CSMD1: variants seen among roughly 807,000 people sequenced by gnomAD.
CSMD1 encodes CUB and Sushi multiple domains 1.
Under a neutral mutation model 417.5 loss-of-function variants are expected in CSMD1, and 213 were observed. That is an observed-to-expected ratio of 0.51 (90% CI 0.46 to 0.57). The LOEUF (loss-of-function observed/expected upper bound fraction) is 0.57, where lower values mean the gene tolerates loss of function less well. Among genes scored for constraint, CSMD1 ranks in the 20% least tolerant of loss-of-function variants. CSMD1 has a pLI of 0.00. For synonymous variants in CSMD1, 2,862 were observed against 1,736.8 expected (o/e 1.65, Z -16.11); for missense variants, 6,923 against 4,529.7 (o/e 1.53, Z -15.17).
chr8:4,994,217 G>A (rs1422713022), intron 1 of CSMD1, 115 bp downstream of exon 1: 11 of 874,266 alleles, frequency 1.3e-5, no homozygotes, highest in Non-Finnish European at 2.0e-5. Flanking sequence ...ATGGAGCAGC[G>A]CCGGGCAGAG....
chr8:4,170,922 T>A (rs1168741772), intron 3 of CSMD1, among the ~76,000 whole-genome samples: 2 of 151,906 alleles, frequency 1.3e-5, no homozygotes, highest in Admixed American at 1.3e-4. Context: ...CTTATTCCAA[T>A]GCCTGTACAA....
intron 3 of CSMD1, among the ~76,000 whole-genome samples, chr8:4,407,596 C>G (rs1471858621): frequency 6.6e-6 from 1 of 152,110 alleles, no homozygotes; most frequent in Non-Finnish European, 1.5e-5. Context: ...ACTTAAATTT[C>G]TAGGAATTTC....
intron 10 of CSMD1, 57 bp downstream of exon 10, chr8:3,574,888 T>C (rs1027201748): frequency 4.5e-6 from 7 of 1,559,306 alleles, no homozygotes; most frequent in Admixed American, 1.8e-5. Flanking sequence ...GCTTCAACAA[T>C]AGATCCTATA....
At chr8:3,382,152 G>A (rs183213303) in intron 18 of CSMD1, among the ~76,000 whole-genome samples, 496 of 151,890 alleles carry the variant, frequency 3.3e-3, no homozygotes, top group African/African-American at 0.011. Flanking sequence ...CCGGCTGCTC[G>A]GGAGGCTGAG....
Position 2,962,637 on chromosome 8 carries a change from C to A in CSMD1, c.9457G>T (p.Val3153Leu). The A allele has an allele frequency of 6.2e-7, 1 of 1,613,158 alleles. No individual in the cohort carries two copies. The highest frequency in any genetic ancestry group is 8.5e-7 in the Non-Finnish European group (1 of 1,179,424). The change falls in exon 61 of 70, where the codon GTG (valine) becomes TTG (leucine). Residue 3153 changes from valine (V) to leucine (L), a missense_variant and splice_region_variant. Val to Leu is a conservative substitution (Grantham distance 32). Coordinates refer to ENST00000635120, the MANE Select transcript of CSMD1 (RefSeq NM_033225.6). ...WKGEIPQCLP[V>L]FCGDPGIPAE... ...GGGATGCCAGGGTCTCCGCAGAACACAGCTATGGAAGATAACCAGGAAGAA... is the reference window on the plus strand; with the variant it reads ...GGGATGCCAGGGTCTCCGCAGAACAAAGCTATGGAAGATAACCAGGAAGAA...
intron 49 of CSMD1, among the ~76,000 whole-genome samples, chr8:3,071,719 T>C (rs1352103417): frequency 2.0e-5 from 3 of 152,172 alleles, no homozygotes; most frequent in Non-Finnish European, 4.4e-5. Context: ...ATCAACACCA[T>C]TACAGCCACT....
At chr8:3,836,965 T>C (rs1373415720) in intron 5 of CSMD1, among the ~76,000 whole-genome samples, 1 of 152,052 alleles carries the variant, frequency 6.6e-6, no homozygotes, top group Admixed American at 6.6e-5. Flanking sequence ...AAAAGTTTTA[T>C]AAAAGAAAAC....
chr8:3,400,943 A>C (rs1238568824), intron 15 of CSMD1, among the ~76,000 whole-genome samples: 1 of 19,466 alleles, frequency 5.1e-5, no homozygotes, highest in African/African-American at 2.0e-4. Context: ...TTTTTGTGAT[A>C]ATTTTTAAAA....
chr8:4,133,741 T>C (rs1803251341), intron 3 of CSMD1, among the ~76,000 whole-genome samples: 1 of 152,194 alleles, frequency 6.6e-6, no homozygotes, highest in Non-Finnish European at 1.5e-5. Context: ...TTATGGTTTT[T>C]TTTATTATTT....
intron 3 of CSMD1, among the ~76,000 whole-genome samples, chr8:4,365,244 T>G (rs1396633619): frequency 2.6e-5 from 4 of 152,350 alleles, no homozygotes; most frequent in African/African-American, 7.2e-5. Flanking sequence ...TTAAGTAGTT[T>G]GGAATGTAAT....
chr8:4,373,090 C>G (rs1468578178), intron 3 of CSMD1, among the ~76,000 whole-genome samples: 1 of 152,164 alleles, frequency 6.6e-6, no homozygotes, highest in Non-Finnish European at 1.5e-5. Flanking sequence ...TGTGGTCTGT[C>G]TCCCAAAACC....
chr8:3,009,566 G>C (rs913514393), intron 52 of CSMD1, among the ~76,000 whole-genome samples: 3 of 152,126 alleles, frequency 2.0e-5, no homozygotes, highest in Non-Finnish European at 4.4e-5. Context: ...ACTATTATTA[G>C]CAGTACACTT....
intron 3 of CSMD1, among the ~76,000 whole-genome samples, chr8:4,191,558 T>C (rs1384263750): frequency 6.6e-6 from 1 of 152,134 alleles, no homozygotes; most frequent in Non-Finnish European, 1.5e-5. Flanking sequence ...CAACTGAAAA[T>C]GCTTGTACTT....
At chr8:3,969,427 G>C (rs1010216324) in intron 5 of CSMD1, among the ~76,000 whole-genome samples, 1 of 152,160 alleles carries the variant, frequency 6.6e-6, no homozygotes, top group Non-Finnish European at 1.5e-5. Context: ...GCAGCAGCCT[G>C]GAGATGGGTG....
At chr8:3,711,275 G>C (rs1801493374) in intron 6 of CSMD1, among the ~76,000 whole-genome samples, 3 of 152,110 alleles carry the variant, frequency 2.0e-5, no homozygotes, top group Admixed American at 2.0e-4. Flanking sequence ...TGTCATCAGA[G>C]CCATGAATAG....
intron 3 of CSMD1, among the ~76,000 whole-genome samples, chr8:4,381,995 G>T (rs1006132826): frequency 6.6e-6 from 1 of 152,112 alleles, no homozygotes; most frequent in Non-Finnish European, 1.5e-5. Flanking sequence ...ACCGGACCAA[G>T]ATCCCTGAAA....
chr8:4,362,769 T>G (rs550934219), intron 3 of CSMD1, among the ~76,000 whole-genome samples: 1 of 152,326 alleles, frequency 6.6e-6, no homozygotes, highest in South Asian at 2.1e-4. Context: ...CAATTTAGTT[T>G]TTAAGTTAAA....
chr8:3,548,723 T>G (rs904388088), intron 10 of CSMD1, among the ~76,000 whole-genome samples: 3 of 147,096 alleles, frequency 2.0e-5, no homozygotes, highest in Non-Finnish European at 4.5e-5. Flanking sequence ...TTTCCACTCA[T>G]TGATTGATAG....
intron 5 of CSMD1, among the ~76,000 whole-genome samples, chr8:3,947,544 G>A (rs559589933): frequency 4.0e-5 from 6 of 151,876 alleles, no homozygotes; most frequent in East Asian, 1.9e-4. Context: ...CATAACCCAC[G>A]GGAAAGCTCC....
Sources: gnomAD v4.1 joint callset for allele counts (sites outside exome capture counted in the v4.1 genomes callset) on GRCh38, gnomAD v4.1.1 for gene constraint, MANE v1.5 for transcripts, NCBI Gene and HGNC (gene_info 2026-07-23, HGNC 2026-07-21) for gene names.